SMYD4: variants seen among roughly 807,000 people sequenced by gnomAD.
The protein encoded by SMYD4 is protein-lysine N-methyltransferase SMYD4.
A neutral mutation model predicts 72.8 loss-of-function variants in SMYD4; 68 were observed. The observed-to-expected ratio is 0.93, with a 90% CI of 0.77 to 1.14. The LOEUF (loss-of-function observed/expected upper bound fraction) is 1.14, where lower values mean the gene tolerates loss of function less well. SMYD4 is among the 50% of genes most tolerant of loss of function. The pLI, the probability that SMYD4 is intolerant of heterozygous loss-of-function variation, is 0.00. For synonymous variants in SMYD4, 407 were observed against 388.6 expected (o/e 1.05, Z -0.56); for missense variants, 984 against 1,003.7 (o/e 0.98, Z 0.27).
chr17:1,806,998 C>T (rs1368437804), intron 3 of SMYD4, among the ~76,000 whole-genome samples: 1 of 151,962 alleles, frequency 6.6e-6, no homozygotes, highest in Non-Finnish European at 1.5e-5. Context: ...TCAAGCGATT[C>T]TCCAGCCTCA....
chr17:1,819,796 T>C lies in SMYD4; in HGVS notation c.135-7681A>G, dbSNP rs1361540169. Among the ~76,000 whole-genome samples, 4 of 152,202 alleles carry C rather than the reference T, an allele frequency of 2.6e-5. No individual in the cohort carries two copies. The South Asian group carries it at 8.3e-4, about 32-fold the overall frequency. On this transcript the variant is annotated intron_variant, in intron 2 of 10. Coordinates refer to ENST00000305513, the MANE Select transcript of SMYD4 (RefSeq NM_052928.3). ...GACATAATATGTATTTACTTATTTT[T>C]GTTTGTTTTGAGACAGAGTCTCACT...
In SMYD4 at chr17:1,811,957, T is replaced by C. The variant is rs1239446183; in HGVS notation, c.279+14A>G. 6.2e-7 allele frequency: 1 copy of C among 1,607,742 alleles called. No individual in the cohort carries two copies. The highest frequency in any genetic ancestry group is 1.3e-5 in the African/African-American group (1 of 74,460). On this transcript the variant is annotated intron_variant, in intron 3 of 10. Transcript: ENST00000305513. ...AAAATAAATAATAAATTGCTTGAGC[T>C]GGGAGTGTTTTACCTTAGAGTACAG...
chr17:1,792,150 C>T (rs955743671), intron 5 of SMYD4, among the ~76,000 whole-genome samples: 7 of 151,858 alleles, frequency 4.6e-5, no homozygotes, highest in African/African-American at 7.3e-5. Context: ...TCACACCATT[C>T]TCCTGCCTCA....
rs370499063 is a variant in SMYD4, at chr17:1,811,527, G to A, written c.279+444C>T. On this transcript the variant is annotated intron_variant, in intron 3 of 10. Coordinates refer to ENST00000305513, the MANE Select transcript of SMYD4 (RefSeq NM_052928.3). The stretch of plus-strand genomic sequence containing the variant: ...CAGACTATAACCACAGCAGAATTCC[G>A]CCAGGTTTCTTTTTCAAATCCATTC... Among the ~76,000 whole-genome samples the A allele has an allele frequency of 1.1e-4, 16 of 152,240 alleles. No individual in the cohort carries two copies. In the East Asian group the frequency reaches 2.5e-3, roughly 24 times the overall value.
At chr17:1,826,836 A>G (rs1443087124) in intron 2 of SMYD4, among the ~76,000 whole-genome samples, 2 of 152,126 alleles carry the variant, frequency 1.3e-5, no homozygotes, top group African/African-American at 4.8e-5. Flanking sequence ...ATTTTTTGAC[A>G]CTGCACTATT....
In SMYD4 at chr17:1,783,017, A is replaced by T. The variant is rs1408376389; in HGVS notation, c.2261+18T>A. On this transcript the variant is annotated intron_variant, in intron 10 of 10. Coordinates refer to ENST00000305513, the MANE Select transcript of SMYD4 (RefSeq NM_052928.3). ...GAAAGGAACAGTGTGTGCCCTGTGA[A>T]GTGGGAAAGGGACTCACCCGTTGAA... The T allele has an allele frequency of 6.2e-7, 1 of 1,611,254 alleles. No homozygotes were observed. Among genetic ancestry groups the T allele is most frequent in the African/African-American group, 1.3e-5 (1 of 74,652 alleles).
chr17:1,783,901 T>A, intron 8 of SMYD4: 1 of 286,726 alleles, frequency 3.5e-6, no homozygotes. Flanking sequence ...AGCAAGACAC[T>A]CCTATCAGCT....
intron 4 of SMYD4, among the ~76,000 whole-genome samples, chr17:1,802,726 T>C (rs1909832579): frequency 6.6e-6 from 1 of 152,220 alleles, no homozygotes; most frequent in African/African-American, 2.4e-5. Context: ...TGAATTTTTG[T>C]AGAATGTTGA....
Position 1,800,149 on chromosome 17 carries a change from A to G in SMYD4, c.1245T>C (p.Asn415=). The change falls in exon 5 of 11, where the codon AAT becomes AAC. Residue 415 remains asparagine (N), a synonymous_variant. Transcript: ENST00000305513. ...CATTATAATTATTTTCATACTTCCCATTAATATCGCATCCAGGAATTGGGG... is the reference window on the plus strand; with the variant it reads ...CATTATAATTATTTTCATACTTCCCGTTAATATCGCATCCAGGAATTGGGG... ...VETPIPGCDI[N]GKYENNYNAV... is the part of the protein sequence containing the mutation. The G allele has an allele frequency of 6.2e-7, 1 of 1,610,796 alleles. No individual in the cohort carries two copies. Among genetic ancestry groups the G allele is most frequent in the Non-Finnish European group, 8.5e-7 (1 of 1,177,970 alleles).
intron 5 of SMYD4, among the ~76,000 whole-genome samples, chr17:1,794,835 T>G (rs143191365): frequency 5.9e-5 from 9 of 152,214 alleles, no homozygotes; most frequent in African/African-American, 1.9e-4. Context: ...TGAAATGGTA[T>G]GAAACTGATT....
At chr17:1,801,693 C>T (rs1013144765) in intron 4 of SMYD4, among the ~76,000 whole-genome samples, 2 of 148,490 alleles carry the variant, frequency 1.3e-5, no homozygotes, top group African/African-American at 2.5e-5. Context: ...ATACACTCTG[C>T]TGGCCGGGTG....
chr17:1,795,252 CT>C (rs11331835), intron 5 of SMYD4, among the ~76,000 whole-genome samples: 2,912 of 152,174 alleles, frequency 0.019, 110 homozygotes, highest in African/African-American at 0.067. Flanking sequence ...AGTGTTCCTC[CT>C]GCCTCAGCCT....
intron 5 of SMYD4, among the ~76,000 whole-genome samples, chr17:1,793,926 T>C (rs1909200736): frequency 6.9e-6 from 1 of 144,734 alleles, no homozygotes; most frequent in African/African-American, 2.6e-5. Context: ...ATTCAAGCGA[T>C]TCTCCTGCCT....
At chr17:1,819,734 C>A (rs1310888700) in intron 2 of SMYD4, among the ~76,000 whole-genome samples, 2 of 152,102 alleles carry the variant, frequency 1.3e-5, no homozygotes, top group Non-Finnish European at 2.9e-5. Context: ...TCTCCTTTTC[C>A]TTCTTTTACT....
chr17:1,810,218 C>T (rs1233599052), intron 3 of SMYD4, among the ~76,000 whole-genome samples: 1 of 152,140 alleles, frequency 6.6e-6, no homozygotes, highest in African/African-American at 2.4e-5. Context: ...CATAAGCTTA[C>T]TGCTACAGGG....
rs563447726 is a variant in SMYD4 at position 1,800,061 on chromosome 17, G to A, written c.1333C>T (p.Leu445Phe). ...TGTCTGCACAGTGCAGAAACACAGA[G>A]AGCACAGAGGAATTTGTGCTCTGGG... ...HSPEHKFLCA[L>F]CVSALCRQLE... Residue 445 changes from leucine to phenylalanine, a missense_variant, in exon 5 of 11, where the codon CTC becomes TTC. Coordinates refer to ENST00000305513, the MANE Select transcript of SMYD4 (RefSeq NM_052928.3). The A allele has an allele frequency of 8.1e-6, 13 of 1,612,760 alleles. No homozygotes were observed. The South Asian group carries it at 1.4e-4, about 18-fold the overall frequency.
intron 2 of SMYD4, among the ~76,000 whole-genome samples, chr17:1,818,836 T>TG (rs140703316): frequency 0.023 from 3,535 of 151,872 alleles, 144 homozygotes; most frequent in African/African-American, 0.081. Flanking sequence ...AAAATAGAGA[T>TG]GGGGTCTCGC....
In SMYD4 at chr17:1,801,022, C is replaced by T. The variant is rs758156625; in HGVS notation, c.372G>A (p.Thr124=). 15 of 1,586,750 alleles carry T rather than the reference C, an allele frequency of 9.5e-6. No homozygotes were observed. Among genetic ancestry groups the T allele is most frequent in the African/African-American group, 5.4e-5 (4 of 74,098 alleles). ...AALFHLGQYE[T]CLKDINRAQT... The stretch of plus-strand genomic sequence containing the variant: ...GTGCTCTGTTAATGTCTTTAAGACA[C>T]GTCTGAAAACAGAAAGAAAATCCCA... Residue 124 remains threonine (T), a splice_region_variant and synonymous_variant, in exon 5 of 11, where the codon ACG becomes ACA. Transcript: ENST00000305513.
intron 5 of SMYD4, among the ~76,000 whole-genome samples, chr17:1,798,298 T>C (rs1909515629): frequency 6.6e-6 from 1 of 152,002 alleles, no homozygotes; most frequent in Admixed American, 6.6e-5. Flanking sequence ...TTTTTGTATT[T>C]TGTCATGCTT....
Sources: allele counts gnomAD v4.1 joint callset (sites outside exome capture counted in the v4.1 genomes callset), GRCh38; gene constraint gnomAD v4.1.1; transcripts MANE v1.5; gene names NCBI Gene and HGNC (gene_info 2026-07-23, HGNC 2026-07-21).